CCDC149: variants seen among roughly 807,000 people sequenced by gnomAD.
CCDC149 encodes coiled-coil domain containing 149, also known as coiled-coil domain-containing protein 149.
In CCDC149, 45 loss-of-function variants were observed where a neutral mutation model predicts 59.9. That is an observed-to-expected ratio of 0.75 (90% CI 0.59 to 0.96). The LOEUF (loss-of-function observed/expected upper bound fraction) is 0.96, where lower values mean the gene tolerates loss of function less well. Among genes scored for constraint, CCDC149 ranks in the 40% least tolerant of loss-of-function variants. The probability of loss-of-function intolerance (pLI) is 0.00; values close to 1 mark genes in which losing one functional copy is unlikely to be tolerated. For missense variants in CCDC149, 584 were observed against 664.7 expected, an observed-to-expected ratio of 0.88 and a Z score of 1.33; for synonymous variants, 245 against 260.6, an observed-to-expected ratio of 0.94 and a Z score of 0.58.
At chr4:24,890,967 G>T (rs1320470464) in intron 1 of CCDC149, among the ~76,000 whole-genome samples, 1 of 152,122 alleles carries the variant, frequency 6.6e-6, no homozygotes, top group Non-Finnish European at 1.5e-5. Flanking sequence ...ATCGCTAAAG[G>T]GCCACTTGGG....
chr4:24,919,513 G>A (rs570454885), intron 1 of CCDC149, among the ~76,000 whole-genome samples: 5 of 152,314 alleles, frequency 3.3e-5, no homozygotes, highest in African/African-American at 1.2e-4. Context: ...TGGCGGGCAG[G>A]GGGTGGGAAC....
At chr4:24,838,883 T>C (rs1716727952) in intron 4 of CCDC149, among the ~76,000 whole-genome samples, 1 of 152,074 alleles carries the variant, frequency 6.6e-6, no homozygotes, top group African/African-American at 2.4e-5. Flanking sequence ...TGCAGCTGTC[T>C]GAAATGAGGC....
chr4:24,842,275 T>C (rs926635272), intron 4 of CCDC149, among the ~76,000 whole-genome samples: 8 of 152,306 alleles, frequency 5.3e-5, no homozygotes, highest in Non-Finnish European at 1.0e-4. Context: ...TTATTGTAAT[T>C]ATCATCCTCC....
At chr4:24,881,438 C>T (rs879505800) in intron 1 of CCDC149, among the ~76,000 whole-genome samples, 1 of 152,194 alleles carries the variant, frequency 6.6e-6, no homozygotes, top group Non-Finnish European at 1.5e-5. Context: ...ATGGTGGAAG[C>T]ACAGGTTGCT....
intron 9 of CCDC149, among the ~76,000 whole-genome samples, chr4:24,824,390 C>T (rs533533269): frequency 6.6e-6 from 1 of 152,222 alleles, no homozygotes; most frequent in South Asian, 2.1e-4. Flanking sequence ...AACAATAGTA[C>T]CACCAACAAC....
intron 1 of CCDC149, among the ~76,000 whole-genome samples, chr4:24,975,559 A>G (rs1396358155): frequency 8.6e-6 from 1 of 116,188 alleles, no homozygotes; most frequent in East Asian, 2.6e-4. Context: ...ATGAAAGGAG[A>G]GGAGAGGGGA....
chr4:24,947,875 C>T (rs1363544732), intron 1 of CCDC149, among the ~76,000 whole-genome samples: 1 of 151,958 alleles, frequency 6.6e-6, no homozygotes, highest in Non-Finnish European at 1.5e-5. Context: ...TATGGCAGAG[C>T]CATCCGCAAT....
chr4:24,956,635 G>A (rs1723475410), intron 1 of CCDC149, among the ~76,000 whole-genome samples: 2 of 152,096 alleles, frequency 1.3e-5, no homozygotes, highest in Non-Finnish European at 2.9e-5. Flanking sequence ...TCTAGGAGAT[G>A]GGAAATAAAC....
chr4:24,882,958 T>C (rs180744401), intron 1 of CCDC149, among the ~76,000 whole-genome samples: 3 of 152,260 alleles, frequency 2.0e-5, no homozygotes, highest in African/African-American at 2.4e-5. Context: ...CAAGAAAAAC[T>C]AAAAATGCAT....
chr4:24,835,826 T>C (rs1716477999), intron 7 of CCDC149, among the ~76,000 whole-genome samples: 2 of 152,066 alleles, frequency 1.3e-5, no homozygotes, highest in Non-Finnish European at 2.9e-5. Flanking sequence ...GAGAAATCAA[T>C]CTACTTTCCA....
intron 12 of CCDC149, among the ~76,000 whole-genome samples, chr4:24,809,787 G>A (rs868554771): frequency 1.3e-5 from 2 of 152,320 alleles, no homozygotes; most frequent in South Asian, 4.2e-4. Flanking sequence ...CCCCTGAATG[G>A]AACCACAGCA....
intron 1 of CCDC149, among the ~76,000 whole-genome samples, chr4:24,879,684 CAAAA>C (rs34829658): frequency 7.7e-6 from 1 of 130,416 alleles, no homozygotes. Context: ...GACTCCATCT[CAAAA>C]AAAAAAAAAA....
intron 1 of CCDC149, among the ~76,000 whole-genome samples, chr4:24,878,139 T>C (rs1719587955): frequency 6.7e-6 from 1 of 149,608 alleles, no homozygotes; most frequent in East Asian, 2.0e-4. Flanking sequence ...TGCTAGGAAC[T>C]GACTTTGTTA....
At chr4:24,827,331 CTGCTCTGATCCATACACCCTCT>C (rs1715815087) in intron 9 of CCDC149, 1 of 152,328 alleles carries the variant, frequency 6.6e-6, no homozygotes, top group Admixed American at 6.5e-5. Context: ...TTTCACGTCT[CTGCTCTGATCCATACACCCTCT>C]TGCTGCTGCT....
At chr4:24,882,170 T>C (rs1220413500) in intron 1 of CCDC149, among the ~76,000 whole-genome samples, 3 of 152,222 alleles carry the variant, frequency 2.0e-5, no homozygotes, top group Non-Finnish European at 4.4e-5. Context: ...CTGCCACTTA[T>C]TTCCTCAGAT....
intron 1 of CCDC149, among the ~76,000 whole-genome samples, chr4:24,940,877 A>G (rs964089739): frequency 6.6e-6 from 1 of 152,260 alleles, no homozygotes; most frequent in Non-Finnish European, 1.5e-5. Context: ...CCAATACAGG[A>G]GCACCCAGAT....
chr4:24,823,645 TAC>T (rs933063017), intron 9 of CCDC149, among the ~76,000 whole-genome samples: 12 of 152,186 alleles, frequency 7.9e-5, no homozygotes, highest in African/African-American at 2.9e-4. Flanking sequence ...CACACCCACA[TAC>T]ACACAGAGGC....
intron 12 of CCDC149, among the ~76,000 whole-genome samples, chr4:24,813,046 T>C (rs1210928750): frequency 7.9e-5 from 12 of 152,096 alleles, no homozygotes; most frequent in Admixed American, 6.5e-4. Flanking sequence ...TAATCCCCAG[T>C]GTGATGGTAT....
At chr4:24,907,667 C>G (rs775133862) in intron 1 of CCDC149, among the ~76,000 whole-genome samples, 16 of 152,142 alleles carry the variant, frequency 1.1e-4, no homozygotes, top group South Asian at 2.1e-4. Flanking sequence ...CAGCCAAAAG[C>G]CAGCCCTAGC....
Sources: gnomAD v4.1 joint callset for allele counts (sites outside exome capture counted in the v4.1 genomes callset) on GRCh38, gnomAD v4.1.1 for gene constraint, MANE v1.5 for transcripts, NCBI Gene and HGNC (gene_info 2026-07-23, HGNC 2026-07-21) for gene names.